Variants in CIT observed in about 807,000 individuals in gnomAD.
The protein encoded by CIT is citron Rho-interacting kinase.
In CIT, 79 loss-of-function variants were observed where a neutral mutation model predicts 272.7. The observed-to-expected ratio is 0.29, with a 90% CI of 0.24 to 0.35. The LOEUF (loss-of-function observed/expected upper bound fraction) is 0.35, where lower values mean the gene tolerates loss of function less well. CIT is among the 10% of genes least tolerant of loss of function. CIT has a pLI of 1.00. For missense variants in CIT, 1,909 were observed against 2,618.3 expected, an observed-to-expected ratio of 0.73 and a Z score of 5.91; for synonymous variants, 948 against 995.6, an observed-to-expected ratio of 0.95 and a Z score of 0.90.
intron 26 of CIT, among the ~76,000 whole-genome samples, chr12:119,731,475 CAA>C (rs34429031): frequency 4.7e-4 from 51 of 107,996 alleles, no homozygotes; most frequent in African/African-American, 9.5e-4. Flanking sequence ...ACTCCATTCT[CAA>C]AAAAAAAAAA....
rs1963385837 is a variant in CIT, at chr12:119,773,306, G to GCA, written c.1942-397_1942-396insTG. 2.6e-5 allele frequency among the ~76,000 whole-genome samples: 4 copies of GCA among 152,204 alleles called. No individual in the cohort carries two copies. The South Asian group carries it at 6.2e-4, about 24-fold the overall frequency. On this transcript the variant is annotated intron_variant, in intron 16 of 47. Transcript: ENST00000392521. ...GATCTAAATGGATTGATCTACCCAGGTATCAATGTATTTGCCTCTAAGCAT... is the reference window on the plus strand; with the variant it reads ...GATCTAAATGGATTGATCTACCCAGGCATATCAATGTATTTGCCTCTAAGCAT...
chr12:119,869,180 G>A lies in CIT; in HGVS notation c.118C>T (p.Gln40Ter). The part of the protein sequence containing the change: ...FFQGKPPFMT[Q>*]QQMSPLSREG... ...CGGGAAAGAGGAGACATCTGCTGTTGAGTCATAAAGGGTGGTTTCCCCTAA... is the reference window on the plus strand; with the variant it reads ...CGGGAAAGAGGAGACATCTGCTGTTAAGTCATAAAGGGTGGTTTCCCCTAA... Residue 40 changes from glutamine to a stop codon, truncating the protein, a stop_gained, in exon 3 of 48, where the codon CAA becomes TAA. Coordinates refer to ENST00000392521, the MANE Select transcript of CIT (RefSeq NM_001206999.2). LOFTEE classifies it high-confidence loss of function. 1 of 1,605,314 alleles carries A rather than the reference G, an allele frequency of 6.2e-7. No homozygotes were observed. Among genetic ancestry groups the A allele is most frequent in the Non-Finnish European group, 8.5e-7 (1 of 1,178,090 alleles).
intron 3 of CIT, among the ~76,000 whole-genome samples, chr12:119,865,690 C>T (rs769130402): frequency 5.9e-5 from 9 of 151,882 alleles, no homozygotes; most frequent in Non-Finnish European, 1.2e-4. Context: ...GCCAACATGG[C>T]GAAACCCCAT....
intron 10 of CIT, among the ~76,000 whole-genome samples, chr12:119,796,582 G>T (rs1445420948): frequency 2.6e-5 from 4 of 152,210 alleles, no homozygotes; most frequent in African/African-American, 9.7e-5. Flanking sequence ...GTCTGTCTAT[G>T]TAGGAAGGGA....
chr12:119,728,848 G>T lies in CIT; in HGVS notation c.3487-242C>A, dbSNP rs1032221284. ...TAAATATGGCTGTGACAAGTTCTAG[G>T]AGGATAACTGCTCAAGGACTTATTT... is the stretch of plus-strand genomic sequence containing the variant. On this transcript the variant is annotated intron_variant, in intron 27 of 47. Coordinates refer to ENST00000392521, the MANE Select transcript of CIT (RefSeq NM_001206999.2). This position sits in a 1 kb window ranked among gnomAD's most constrained non-coding sequence, Gnocchi z 4.3. Among the ~76,000 whole-genome samples the T allele has an allele frequency of 4.6e-5, 7 of 152,196 alleles. No individual in the cohort carries two copies. Among genetic ancestry groups the T allele is most frequent in the African/African-American group, 7.2e-5 (3 of 41,454 alleles).
chr12:119,859,268 G>A (rs1374668044), intron 3 of CIT, among the ~76,000 whole-genome samples: 1 of 152,178 alleles, frequency 6.6e-6, no homozygotes, highest in East Asian at 1.9e-4. Flanking sequence ...CCACACTGAA[G>A]ACCAAGAGAC....
chr12:119,698,669 CA>C (rs1235881955), intron 44 of CIT, among the ~76,000 whole-genome samples: 2 of 151,718 alleles, frequency 1.3e-5, no homozygotes, highest in Non-Finnish European at 2.9e-5. Flanking sequence ...TCTCTTTGTA[CA>C]GATATGAAAG....
intron 24 of CIT, among the ~76,000 whole-genome samples, chr12:119,736,894 AAAAAT>A (rs1184773049): frequency 6.6e-6 from 1 of 152,222 alleles, no homozygotes; most frequent in Non-Finnish European, 1.5e-5. Context: ...TTTCCCAAAG[AAAAAT>A]AAGACAGGCA....
chr12:119,733,777 G>A (rs1018533207), intron 26 of CIT, among the ~76,000 whole-genome samples: 1 of 152,022 alleles, frequency 6.6e-6, no homozygotes, highest in South Asian at 2.1e-4. Context: ...TAGTGCCAAG[G>A]TTGAGGAACC....
intron 19 of CIT, among the ~76,000 whole-genome samples, chr12:119,765,391 T>A (rs1171362988): frequency 2.8e-5 from 4 of 144,268 alleles, no homozygotes; most frequent in Non-Finnish European, 6.0e-5. Flanking sequence ...ATATATATTA[T>A]AATATATATT....
Position 119,752,353 on chromosome 12 carries a change from C to G in CIT, c.2707-106G>C, listed in dbSNP as rs1960378081. The G allele has an allele frequency of 3.8e-6, 4 of 1,051,902 alleles. No homozygotes were observed. The African/African-American group carries it at 6.4e-5, about 17-fold the overall frequency. The allele number at this position is 1,051,902 out of a possible 1,614,324, so 65.2% of individuals were successfully genotyped here. Reference sequence around the variant, plus strand: ...ACTCAACCTGCAGCTGAAACCTGGTCTTGGAACCACCTTCTCGGCACTCGA... The same window carrying G: ...ACTCAACCTGCAGCTGAAACCTGGTGTTGGAACCACCTTCTCGGCACTCGA... On this transcript the variant is annotated intron_variant, in intron 22 of 47. Coordinates refer to ENST00000392521, the MANE Select transcript of CIT (RefSeq NM_001206999.2).
intron 10 of CIT, among the ~76,000 whole-genome samples, chr12:119,788,683 C>T (rs1318815803): frequency 1.3e-5 from 2 of 152,086 alleles, no homozygotes; most frequent in Non-Finnish European, 2.9e-5. Flanking sequence ...AAACGAAAGG[C>T]ACTTTTAGGT....
intron 46 of CIT, among the ~76,000 whole-genome samples, chr12:119,693,160 G>A (rs932533902): frequency 1.3e-5 from 2 of 152,174 alleles, no homozygotes. Context: ...GAACACACCC[G>A]TCATTCCAAG....
intron 44 of CIT, chr12:119,699,921 G>C (rs1956457685): frequency 2.2e-6 from 1 of 455,940 alleles, no homozygotes. Flanking sequence ...ATACTTGTAT[G>C]TGTATGTGTG....
rs149867671 is a variant in CIT, at chr12:119,872,639, C to T, written c.96+3434G>A. 7.5e-4 allele frequency among the ~76,000 whole-genome samples: 114 copies of T among 152,278 alleles called. 2 individuals are homozygous for T. The East Asian group carries it at 0.016, about 21-fold the overall frequency. On this transcript the variant is annotated intron_variant, in intron 2 of 47. Transcript: ENST00000392521. ...ACAAGATATACTTAATAAATTCTGACGTGCACAGGTGCTGTGGCCCAATGG... is the reference window on the plus strand; with the variant it reads ...ACAAGATATACTTAATAAATTCTGATGTGCACAGGTGCTGTGGCCCAATGG...
At chr12:119,779,626 T>G (rs1032047784) in intron 13 of CIT, among the ~76,000 whole-genome samples, 1 of 152,324 alleles carries the variant, frequency 6.6e-6, no homozygotes, top group East Asian at 1.9e-4. Context: ...TTTTCTTTCT[T>G]GAATTTATGT....
At position 119,822,948 on chromosome 12, in the gene CIT, G is replaced by A. The variant is rs751269310; in HGVS notation, c.983C>T (p.Pro328Leu). Reference protein sequence around the residue: ...FQRFLKFPDDPKVSSDFLDLI... With the variant: ...FQRFLKFPDDLKVSSDFLDLI... ...ATCAAGAAAGTCACTGCTCACTTTGGGGTCATCTGGAAATTTCAAAAACCG... is the reference window on the plus strand; with the variant it reads ...ATCAAGAAAGTCACTGCTCACTTTGAGGTCATCTGGAAATTTCAAAAACCG... Residue 328 changes from proline to leucine, a missense_variant, in exon 9 of 48, where the codon CCC becomes CTC. This residue lies in a region of CIT where 529 missense variants were observed against 549.6 expected (regional missense o/e 0.96). Coordinates refer to ENST00000392521, the MANE Select transcript of CIT (RefSeq NM_001206999.2). The A allele has an allele frequency of 6.2e-7, 1 of 1,609,784 alleles. No homozygotes were observed. Among genetic ancestry groups the A allele is most frequent in the Admixed American group, 1.7e-5 (1 of 58,880 alleles).
intron 13 of CIT, among the ~76,000 whole-genome samples, chr12:119,778,344 A>G (rs1317749984): frequency 3.3e-5 from 5 of 152,238 alleles, no homozygotes; most frequent in Non-Finnish European, 7.3e-5. Context: ...AGCAAAAATC[A>G]AGGCTAAGTA....
chr12:119,733,489 G>A (rs1241353107), intron 26 of CIT, among the ~76,000 whole-genome samples: 1 of 150,736 alleles, frequency 6.6e-6, no homozygotes, highest in South Asian at 2.1e-4. Context: ...AACTGCGATG[G>A]TGCCACTGCA....
Sources: gnomAD v4.1 joint callset for allele counts (sites outside exome capture counted in the v4.1 genomes callset) on GRCh38, gnomAD v4.1.1 for gene constraint, gnomAD v4.1.1 regional missense constraint, Gnocchi (gnomAD v3.1) non-coding constraint, MANE v1.5 for transcripts, NCBI Gene and HGNC (gene_info 2026-07-23, HGNC 2026-07-21) for gene names.